Variants in TOX4 observed in about 807,000 individuals in gnomAD.
The protein encoded by TOX4 is TOX high mobility group box family member 4.
Under a neutral mutation model 61.0 loss-of-function variants are expected in TOX4, and 12 were observed. That is an observed-to-expected ratio of 0.20 (90% confidence interval 0.13 to 0.32). The LOEUF (loss-of-function observed/expected upper bound fraction) is 0.32. Among genes scored for constraint, TOX4 ranks in the 10% least tolerant of loss-of-function variants. The probability of loss-of-function intolerance (pLI) is 1.00; values close to 1 mark genes in which losing one functional copy is unlikely to be tolerated. For missense variants in TOX4, 499 were observed against 753.3 expected, an observed-to-expected ratio of 0.66 and a Z score of 3.95; for synonymous variants, 268 against 274.8, an observed-to-expected ratio of 0.98 and a Z score of 0.24.
At position 21,498,729 on chromosome 14, in the gene TOX4, T is replaced by G. The variant is rs1891475807; in HGVS notation, c.*2123T>G. ...ATTATTGACAGATTAAATAGATAAC[T>G]TCGTAACCACCAGGGGGCAGATTCA... On this transcript the variant is annotated 3_prime_UTR_variant, in exon 9 of 9. Coordinates refer to ENST00000448790, the MANE Select transcript of TOX4 (RefSeq NM_014828.4). 8.7e-6 allele frequency: 4 copies of G among 461,622 alleles called. No homozygotes were observed. In the South Asian group the frequency reaches 1.2e-4, roughly 13 times the overall value. 28.6% of individuals were successfully genotyped at this position (461,622 alleles called of 1,614,324 possible).
At chr14:21,483,860 T>C (rs1379449930) in intron 2 of TOX4, among the ~76,000 whole-genome samples, 1 of 151,924 alleles carries the variant, frequency 6.6e-6, no homozygotes, top group Non-Finnish European at 1.5e-5. Context: ...CAGGCTGGAG[T>C]GCAGTGATGT....
Position 21,486,285 on chromosome 14 carries a change from A to C in TOX4, c.76-1166A>C, listed in dbSNP as rs1308426121. On this transcript the variant is annotated intron_variant, in intron 2 of 8. Transcript: ENST00000448790. ...TGATCTGAATCAGTTTATATTTACT[A>C]TGCTATGTGTTAGATTGATAGAATT... Among the ~76,000 whole-genome samples the C allele has an allele frequency of 2.8e-5, 3 of 108,014 alleles. 1 individual carries two copies. Among genetic ancestry groups the C allele is most frequent in the African/African-American group, 1.0e-4 (3 of 28,794 alleles). The allele number at this position is 108,014 out of a possible 152,430, so 70.9% of individuals were successfully genotyped here. A position where few individuals can be genotyped will look rare whatever the true frequency, so the allele number is the denominator to read the frequency against.
In TOX4 at chr14:21,487,562, G is replaced by T; in HGVS notation, c.187G>T (p.Ala63Ser). The T allele has an allele frequency of 6.2e-7, 1 of 1,614,136 alleles. No individual in the cohort carries two copies. Among genetic ancestry groups the T allele is most frequent in the Non-Finnish European group, 8.5e-7 (1 of 1,180,044 alleles). ...TGTGGTTGGCCACTTTGATGACCTG[G>T]CAGACCCTTCCTCTTCACAGGATGG... The part of the protein sequence containing the change: ...SDVVGHFDDL[A>S]DPSSSQDGSF... The change falls in exon 3 of 9, where the codon GCA becomes TCA. Residue 63 changes from alanine (A) to serine (S), a missense_variant. Physicochemically the swap from Ala to Ser is moderately conservative, Grantham distance 99. Around this residue, in one of 7 missense-constraint regions of TOX4, gnomAD observed 90 missense variants for 109.5 expected, o/e 0.82. Coordinates refer to ENST00000448790, the MANE Select transcript of TOX4 (RefSeq NM_014828.4).
intron 2 of TOX4, among the ~76,000 whole-genome samples, chr14:21,484,067 C>G (rs1030955722): frequency 6.6e-5 from 10 of 152,066 alleles, no homozygotes; most frequent in Admixed American, 1.3e-4. Context: ...CCTTGGCTTC[C>G]CAAAGTACTG....
Position 21,486,030 on chromosome 14 carries a change from G to A in TOX4, c.76-1421G>A, listed in dbSNP as rs1435633615. 1.1e-4 allele frequency among the ~76,000 whole-genome samples: 11 copies of A among 101,328 alleles called. 3 individuals carry two copies. The highest frequency in any genetic ancestry group is 2.4e-4 in the Non-Finnish European group (11 of 46,792). The allele number at this position is 101,328 out of a possible 152,430, so 66.5% of individuals were successfully genotyped here. A position where few individuals can be genotyped will look rare whatever the true frequency, so the allele number is the denominator to read the frequency against. On this transcript the variant is annotated intron_variant, in intron 2 of 8. Transcript: ENST00000448790. ...AGCCTGGGCAACACAGGGAGAGCTC[G>A]TCTCCACAAAAAATTTTAAAAATTA...
At chr14:21,477,654 G>A (rs1891022359) in intron 2 of TOX4, 90 bp downstream of exon 2, 11 of 1,466,588 alleles carry the variant, frequency 7.5e-6, no homozygotes, top group African/African-American at 2.8e-5. Context: ...TCCGGGGACG[G>A]GGGCTGGGAA....
intron 7 of TOX4, among the ~76,000 whole-genome samples, 195 bp downstream of exon 7, chr14:21,493,452 T>C (rs1422326097): frequency 6.6e-6 from 1 of 152,076 alleles, no homozygotes; most frequent in Non-Finnish European, 1.5e-5. Context: ...TTTTTGTTTG[T>C]TTGTTTTTGA....
At chr14:21,481,035 AG>A (rs1891098884) in intron 2 of TOX4, among the ~76,000 whole-genome samples, 1 of 152,182 alleles carries the variant, frequency 6.6e-6, no homozygotes, top group Non-Finnish European at 1.5e-5. Flanking sequence ...AGTTGTGGTG[AG>A]CTGAGATTGT....
chr14:21,496,893 G>A lies in TOX4; in HGVS notation c.*287G>A. ...GCATAGAGATGGTGGGGTGGTGGTGGGGTTGAAGAAACTTGTTGGTATAAT... is the reference window on the plus strand; with the variant it reads ...GCATAGAGATGGTGGGGTGGTGGTGAGGTTGAAGAAACTTGTTGGTATAAT... On this transcript the variant is annotated 3_prime_UTR_variant, in exon 9 of 9. Transcript: ENST00000448790. The A allele has an allele frequency of 3.1e-6, 1 of 324,186 alleles. No individual in the cohort carries two copies. 20.1% of individuals were successfully genotyped at this position (324,186 alleles called of 1,614,324 possible).
chr14:21,483,387 CTTT>C (rs34480307), intron 2 of TOX4, among the ~76,000 whole-genome samples: 1 of 143,222 alleles, frequency 7.0e-6, no homozygotes, highest in East Asian at 2.0e-4. Flanking sequence ...GTTCCTATAA[CTTT>C]TTTTTTTTTT....
At chr14:21,482,283 T>C (rs1252110170) in intron 2 of TOX4, among the ~76,000 whole-genome samples, 1 of 152,224 alleles carries the variant, frequency 6.6e-6, no homozygotes, top group Non-Finnish European at 1.5e-5. Context: ...TCATTATTTC[T>C]GGCTAAATAG....
chr14:21,490,564 T>C (rs1297712632), intron 5 of TOX4, among the ~76,000 whole-genome samples: 3 of 152,218 alleles, frequency 2.0e-5, no homozygotes, highest in African/African-American at 4.8e-5. Context: ...AGGTGGAAAC[T>C]GGAGCCCACT....
intron 2 of TOX4, among the ~76,000 whole-genome samples, chr14:21,485,790 C>T (rs1472722254): frequency 1.0e-5 from 1 of 97,362 alleles, no homozygotes; most frequent in Admixed American, 9.3e-5. Flanking sequence ...TGCTTGAACC[C>T]GGGAGGTGGA....
At chr14:21,489,505 C>A in intron 5 of TOX4, 102 bp downstream of exon 5, 1 of 1,008,310 alleles carries the variant, frequency 9.9e-7, no homozygotes, top group Non-Finnish European at 1.5e-6. Context: ...CTAATATCAG[C>A]TGTTTGTTAA....
At chr14:21,488,112 G>T (rs1392173930) in intron 3 of TOX4, 2 of 169,006 alleles carry the variant, frequency 1.2e-5, no homozygotes, top group Non-Finnish European at 2.5e-5. Flanking sequence ...TTGTGGATTA[G>T]TATGTAATAT....
At chr14:21,477,328 G>T (rs750245936) in intron 1 of TOX4, 44 bp downstream of exon 1, 40 of 1,613,794 alleles carry the variant, frequency 2.5e-5, no homozygotes, top group Non-Finnish European at 3.3e-5. Context: ...GAACGCGGCC[G>T]ACCGGGTTGA....
intron 3 of TOX4, chr14:21,488,211 T>C (rs1211103276): frequency 5.0e-6 from 1 of 200,046 alleles, no homozygotes; most frequent in Non-Finnish European, 1.0e-5. Flanking sequence ...ATTGGCCTTA[T>C]TTATGCTGAT....
At position 21,487,436 on chromosome 14, in the gene TOX4, T is replaced by A; in HGVS notation, c.76-15T>A. 1.9e-6 allele frequency: 3 copies of A among 1,608,288 alleles called. No individual in the cohort carries two copies. The highest frequency in any genetic ancestry group is 2.6e-6 in the Non-Finnish European group (3 of 1,175,834). On this transcript the variant is annotated splice_polypyrimidine_tract_variant and intron_variant, in intron 2 of 8. Coordinates refer to ENST00000448790, the MANE Select transcript of TOX4 (RefSeq NM_014828.4). ...CTCTTTTCACTAATTCTTTTCCCCC[T>A]TTTTTCCCCTACAGACATTCCATAC...
At chr14:21,493,728 T>C (rs1029987906) in intron 7 of TOX4, among the ~76,000 whole-genome samples, 2 of 150,136 alleles carry the variant, frequency 1.3e-5, no homozygotes, top group African/African-American at 4.9e-5. Context: ...TGTGAGCCAC[T>C]GCACCCGCCC....
Sources: allele counts gnomAD v4.1 joint callset (sites outside exome capture counted in the v4.1 genomes callset), GRCh38; gene constraint gnomAD v4.1.1; regional missense constraint gnomAD v4.1.1; transcripts MANE v1.5; gene names NCBI Gene and HGNC (gene_info 2026-07-23, HGNC 2026-07-21).